Variants in TRMT61A observed in about 807,000 individuals in gnomAD.
The protein encoded by TRMT61A is tRNA methyltransferase 61A.
Under a neutral mutation model 21.3 loss-of-function variants are expected in TRMT61A, and 15 were observed. The observed-to-expected ratio is 0.70, with a 90% CI of 0.47 to 1.08. The LOEUF (loss-of-function observed/expected upper bound fraction) is 1.08, where lower values mean the gene tolerates loss of function less well. Among genes scored for constraint, TRMT61A ranks in the 50% least tolerant of loss-of-function variants. The pLI is 0.00. For synonymous variants in TRMT61A, 183 were observed against 185.5 expected, an observed-to-expected ratio of 0.99 and a Z score of 0.11; for missense variants, 352 against 426.7, an observed-to-expected ratio of 0.83 and a Z score of 1.54.
Position 103,535,121 on chromosome 14 carries a change from TGG to T in TRMT61A, c.*304_*305del. 1 of 629,934 alleles carries T rather than the reference TGG, an allele frequency of 1.6e-6. No individual in the cohort carries two copies. Among genetic ancestry groups the T allele is most frequent in the Non-Finnish European group, 3.0e-6 (1 of 337,800 alleles). The allele number at this position is 629,934 out of a possible 1,614,324, so 39.0% of individuals were successfully genotyped here. A position where few individuals can be genotyped will look rare whatever the true frequency, so the allele number is the denominator to read the frequency against. On this transcript the variant is annotated 3_prime_UTR_variant, in exon 4 of 4. Coordinates refer to ENST00000389749, the MANE Select transcript of TRMT61A (RefSeq NM_152307.3). Reference sequence around the variant, plus strand: ...GGGTGTTGAAGCCAAAGGGTGCAGGTGGGGGAGTCTGACCCCCTCCCAGGTGG... The same window carrying T: ...GGGTGTTGAAGCCAAAGGGTGCAGGTGGGAGTCTGACCCCCTCCCAGGTGG...
rs765359264 is a variant in TRMT61A at position 103,532,833 on chromosome 14, G to C, written c.583G>C (p.Ala195Pro). Residue 195 changes from alanine (A) to proline (P), a missense_variant, in exon 3 of 4, where the codon GCC becomes CCC. Transcript: ENST00000389749. ...GGAGGCCGTGGGCCACGCCTGGGAC[G>C]CCCTCAAGGTCGAAGGTGCATCCGG... The part of the protein sequence containing the change: ...PWEAVGHAWD[A>P]LKVEGGRFCS... The C allele has an allele frequency of 6.4e-7, 1 of 1,556,404 alleles. No homozygotes were observed. The highest frequency in any genetic ancestry group is 1.9e-5 in the Admixed American group (1 of 52,594).
rs1043196830 is a variant in TRMT61A, at chr14:103,532,631, C to T, written c.381C>T (p.Pro127=). The T allele has an allele frequency of 1.9e-6, 3 of 1,613,366 alleles. No homozygotes were observed. The highest frequency in any genetic ancestry group is 3.3e-5 in the Admixed American group (2 of 60,010). Residue 127 remains proline (P), a synonymous_variant, in exon 3 of 4, where the codon CCC becomes CCT. Coordinates refer to ENST00000389749, the MANE Select transcript of TRMT61A (RefSeq NM_152307.3). ...VSHAIIRTIA[P]TGHLHTVEFH... is the part of the protein sequence containing the mutation. ...ACGCCATCATCCGCACCATTGCACC[C>T]ACGGGTCACCTGCACACGGTGGAGT...
intron 2 of TRMT61A, 116 bp from the exon 3 acceptor site, chr14:103,532,466 G>T: frequency 7.8e-7 from 1 of 1,278,904 alleles, no homozygotes; most frequent in East Asian, 2.3e-5. Flanking sequence ...CTGTAGCTTG[G>T]GGTCCTCCCA....
chr14:103,532,159 G>C (rs1361177960), intron 2 of TRMT61A, among the ~76,000 whole-genome samples: 2 of 152,128 alleles, frequency 1.3e-5, no homozygotes, highest in African/African-American at 4.8e-5. Context: ...TGTTGACGGG[G>C]ATTGAGGAAG....
At chr14:103,529,732 G>A (rs1416378261) in intron 1 of TRMT61A, among the ~76,000 whole-genome samples, 1 of 152,248 alleles carries the variant, frequency 6.6e-6, no homozygotes, top group African/African-American at 2.4e-5. Flanking sequence ...TAGGCTCATA[G>A]TCCCTGTCTC....
rs746626061 is a variant in TRMT61A at position 103,530,066 on chromosome 14, G to C, written c.88G>C (p.Val30Leu). 3.9e-5 allele frequency: 63 copies of C among 1,612,922 alleles called. No individual in the cohort carries two copies. Among genetic ancestry groups the C allele is most frequent in the Non-Finnish European group, 5.0e-5 (59 of 1,180,012 alleles). The change falls in exon 2 of 4, where the codon GTG (valine) becomes CTG (leucine). Residue 30 changes from valine to leucine, a missense_variant. By Grantham distance (32) the Val-to-Leu change is conservative. Transcript: ENST00000389749. ...LGHGAMVAVR[V>L]QRGAQTQTRH... ...CCATGGTGCAATGGTGGCGGTGCGTGTGCAGCGTGGGGCACAGACCCAGAC... is the reference window on the plus strand; with the variant it reads ...CCATGGTGCAATGGTGGCGGTGCGTCTGCAGCGTGGGGCACAGACCCAGAC...
At position 103,534,620 on chromosome 14, in the gene TRMT61A, C is replaced by T. The variant is rs762008864; in HGVS notation, c.669C>T (p.Arg223=). 2.4e-5 allele frequency: 39 copies of T among 1,606,832 alleles called. No homozygotes were observed. Among genetic ancestry groups the T allele is most frequent in the South Asian group, 7.7e-5 (7 of 90,886 alleles). Residue 223 remains arginine, a synonymous_variant, in exon 4 of 4, where the codon CGC becomes CGT. Transcript: ENST00000389749. ...VQRTCQALAA[R]GFSELSTLEV... is the part of the protein sequence containing the mutation. ...GCACATGCCAGGCGCTGGCAGCGCGCGGCTTCTCAGAGCTGAGCACCCTGG... is the reference window on the plus strand; with the variant it reads ...GCACATGCCAGGCGCTGGCAGCGCGTGGCTTCTCAGAGCTGAGCACCCTGG...
rs756680077 is a variant in TRMT61A, at chr14:103,530,244, C to T, written c.266C>T (p.Ser89Phe). The change falls in exon 2 of 4, where the codon TCC becomes TTC. Residue 89 changes from serine to phenylalanine, a missense_variant. Physicochemically the swap from Ser to Phe is radical, Grantham distance 155 (BLOSUM62 -2). Transcript: ENST00000389749. ...NLPHRTQILY[S>F]TDIALITMML... ...CCGCACCGCACGCAGATCCTCTACTCCACAGACATCGCCCTCATCACCATG... is the reference window on the plus strand; with the variant it reads ...CCGCACCGCACGCAGATCCTCTACTTCACAGACATCGCCCTCATCACCATG... The T allele has an allele frequency of 7.5e-6, 12 of 1,609,132 alleles. No individual in the cohort carries two copies. In the South Asian group the frequency reaches 1.3e-4, roughly 18 times the overall value.
At chr14:103,534,173 C>T (rs778903085) in intron 3 of TRMT61A, among the ~76,000 whole-genome samples, 8 of 152,238 alleles carry the variant, frequency 5.3e-5, no homozygotes, top group Non-Finnish European at 8.8e-5. Context: ...GCCCCCGCAC[C>T]GCCCCACGCT....
At position 103,535,183 on chromosome 14, in the gene TRMT61A, G is replaced by T; in HGVS notation, c.*362G>T. ...GGAAGGGGGTGGAGGAGGGAGGGGG[G>T]CATTGACCCTGAGACCACGCTGCGT... is the stretch of plus-strand genomic sequence containing the variant. On this transcript the variant is annotated 3_prime_UTR_variant, in exon 4 of 4. Coordinates refer to ENST00000389749, the MANE Select transcript of TRMT61A (RefSeq NM_152307.3). The T allele has an allele frequency of 1.9e-6, 1 of 524,630 alleles. No homozygotes were observed. Among genetic ancestry groups the T allele is most frequent in the South Asian group, 1.5e-5 (1 of 64,988 alleles). The allele number at this position is 524,630 out of a possible 1,614,324, so 32.5% of individuals were successfully genotyped here.
Position 103,534,785 on chromosome 14 carries a change from C to T in TRMT61A, c.834C>T (p.Thr278=), listed in dbSNP as rs750457089. The T allele has an allele frequency of 2.6e-5, 41 of 1,563,142 alleles. No homozygotes were observed. The highest frequency in any genetic ancestry group is 6.7e-5 in the African/African-American group (5 of 74,088). ...GTPMKEAVGH[T]GYLTFATKTP... The stretch of plus-strand genomic sequence containing the variant: ...CCATGAAGGAGGCCGTGGGCCACAC[C>T]GGCTACCTGACCTTCGCCACCAAGA... Residue 278 remains threonine (T), a synonymous_variant, in exon 4 of 4, where the codon ACC becomes ACT. Transcript: ENST00000389749.
At position 103,536,194 on chromosome 14, in the gene TRMT61A, G is replaced by C. The variant is rs2075973307; in HGVS notation, c.*1373G>C. 6.6e-6 allele frequency: 1 copy of C among 152,496 alleles called. No homozygotes were observed. Among genetic ancestry groups the C allele is most frequent in the South Asian group, 2.1e-4 (1 of 4,838 alleles). 9.4% of individuals were successfully genotyped at this position (152,496 alleles called of 1,614,324 possible). A position where few individuals can be genotyped will look rare whatever the true frequency, so the allele number is the denominator to read the frequency against. Reference sequence around the variant, plus strand: ...TCCAGGACAAAGGGGCAAATGTGTGGCCACCCCCATCTGGCTGCAGAAAAG... The same window carrying C: ...TCCAGGACAAAGGGGCAAATGTGTGCCCACCCCCATCTGGCTGCAGAAAAG... On this transcript the variant is annotated 3_prime_UTR_variant, in exon 4 of 4. Coordinates refer to ENST00000389749, the MANE Select transcript of TRMT61A (RefSeq NM_152307.3).
rs758770178 is a variant in TRMT61A at position 103,532,705 on chromosome 14, G to T, written c.455G>T (p.Arg152Leu). 1.1e-5 allele frequency: 17 copies of T among 1,612,778 alleles called. No individual in the cohort carries two copies. In the East Asian group the frequency reaches 3.1e-4, roughly 30 times the overall value. Reference sequence around the variant, plus strand: ...GCCCGGGAGGAGTTCCAGGAGCACCGTGTGGGCCGCTGGGTGACTGTGCGC... The same window carrying T: ...GCCCGGGAGGAGTTCCAGGAGCACCTTGTGGGCCGCTGGGTGACTGTGCGC... Reference protein sequence around the residue: ...EKAREEFQEHRVGRWVTVRTQ... With the variant: ...EKAREEFQEHLVGRWVTVRTQ... The change falls in exon 3 of 4, where the codon CGT (arginine) becomes CTT (leucine). Residue 152 changes from arginine to leucine, a missense_variant. Transcript: ENST00000389749.
chr14:103,531,621 G>T lies in TRMT61A; in HGVS notation c.332-961G>T, dbSNP rs753739281. 1.3e-5 allele frequency among the ~76,000 whole-genome samples: 2 copies of T among 152,130 alleles called. No homozygotes were observed. Among genetic ancestry groups the T allele is most frequent in the African/African-American group, 2.4e-5 (1 of 41,434 alleles). On this transcript the variant is annotated intron_variant, in intron 2 of 3. Coordinates refer to ENST00000389749, the MANE Select transcript of TRMT61A (RefSeq NM_152307.3). This position sits in a 1 kb window ranked among gnomAD's most constrained non-coding sequence, Gnocchi z 5.1. ...CAGGCTGGGGGCACCCAGGGGAGGG[G>T]CTGGACAGGTGGGGAGAGGGGCTGG...
rs1220372443 is a variant in TRMT61A, at chr14:103,531,571, C to T, written c.332-1011C>T. ...CCCCTTAGTGGGAAGGGGGCATGGC[C>T]AGGCTTTGCAGAGGGGCGAGGCAGC... is the stretch of plus-strand genomic sequence containing the variant. On this transcript the variant is annotated intron_variant, in intron 2 of 3. Transcript: ENST00000389749. The surrounding 1 kb of genome is among the most constrained non-coding windows in gnomAD (Gnocchi z 5.1). Among the ~76,000 whole-genome samples, 4 of 152,054 alleles carry T rather than the reference C, an allele frequency of 2.6e-5. No individual in the cohort carries two copies. Among genetic ancestry groups the T allele is most frequent in the Non-Finnish European group, 5.9e-5 (4 of 67,996 alleles).
rs115348042 is a variant in TRMT61A, at chr14:103,536,521, C to G, written c.*1700C>G. 151 of 152,340 alleles carry G rather than the reference C, an allele frequency of 9.9e-4. No homozygotes were observed. Among genetic ancestry groups the G allele is most frequent in the African/African-American group, 3.3e-3 (139 of 41,540 alleles). The allele number at this position is 152,340 out of a possible 1,614,324, so 9.4% of individuals were successfully genotyped here. The stretch of plus-strand genomic sequence containing the variant: ...TCACCTGGGGCACAGAGGAGGGGCC[C>G]CCAGTCAGGTTCAACATGGAAGTGG... On this transcript the variant is annotated 3_prime_UTR_variant, in exon 4 of 4. Transcript: ENST00000389749.
chr14:103,533,856 C>T (rs1004344929), intron 3 of TRMT61A, among the ~76,000 whole-genome samples: 9 of 152,240 alleles, frequency 5.9e-5, no homozygotes, highest in Admixed American at 3.3e-4. Context: ...CAGCAGGTGC[C>T]TCCTCTAACC....
chr14:103,533,156 C>T (rs905735724), intron 3 of TRMT61A, among the ~76,000 whole-genome samples: 4 of 152,240 alleles, frequency 2.6e-5, no homozygotes, highest in East Asian at 3.9e-4. Flanking sequence ...AGTCCCCTCC[C>T]TGCTGTTTCC....
At position 103,531,486 on chromosome 14, in the gene TRMT61A, G is replaced by A. The variant is rs1379033128; in HGVS notation, c.332-1096G>A. Among the ~76,000 whole-genome samples, 1 of 152,202 alleles carries A rather than the reference G, an allele frequency of 6.6e-6. No individual in the cohort carries two copies. Among genetic ancestry groups the A allele is most frequent in the African/African-American group, 2.4e-5 (1 of 41,432 alleles). Reference sequence around the variant, plus strand: ...CAGGCTCAGTGGGGGAGGCAGAGGGGCTGGGAGTGAGGTTGGAGGGGAAGC... The same window carrying A: ...CAGGCTCAGTGGGGGAGGCAGAGGGACTGGGAGTGAGGTTGGAGGGGAAGC... On this transcript the variant is annotated intron_variant, in intron 2 of 3. Transcript: ENST00000389749. This position sits in a 1 kb window ranked among gnomAD's most constrained non-coding sequence, Gnocchi z 5.1.
Sources: allele counts gnomAD v4.1 joint callset (sites outside exome capture counted in the v4.1 genomes callset), GRCh38; gene constraint gnomAD v4.1.1; non-coding constraint Gnocchi (gnomAD v3.1); transcripts MANE v1.5; gene names NCBI Gene and HGNC (gene_info 2026-07-23, HGNC 2026-07-21).